Variants in LSAMP observed in about 807,000 individuals in gnomAD.
The protein encoded by LSAMP is limbic system-associated membrane protein.
A neutral mutation model predicts 38.6 loss-of-function variants in LSAMP; 7 were observed. That is an observed-to-expected ratio of 0.18 (90% confidence interval 0.10 to 0.34). The LOEUF (loss-of-function observed/expected upper bound fraction) is 0.34, where lower values mean the gene tolerates loss of function less well. Among genes scored for constraint, LSAMP ranks in the 10% least tolerant of loss-of-function variants. The pLI, the probability that LSAMP is intolerant of heterozygous loss-of-function variation, is 1.00. For synonymous variants in LSAMP, 154 were observed against 166.8 expected (o/e 0.92, Z 0.59); for missense variants, 313 against 420.0 (o/e 0.75, Z 2.23).
intron 3 of LSAMP, among the ~76,000 whole-genome samples, chr3:115,898,930 C>T (rs1936800063): frequency 6.6e-6 from 1 of 152,058 alleles, no homozygotes; most frequent in African/African-American, 2.4e-5. Context: ...GTTGCAGTGG[C>T]CAAGGGGCTG....
At chr3:116,097,397 G>A (rs1318609075) in intron 1 of LSAMP, among the ~76,000 whole-genome samples, 2 of 152,070 alleles carry the variant, frequency 1.3e-5, no homozygotes, top group African/African-American at 4.8e-5. Context: ...TGAAAACCCA[G>A]CCCCTTACTT....
chr3:116,366,588 T>A (rs1418242408), intron 1 of LSAMP, among the ~76,000 whole-genome samples: 1 of 152,152 alleles, frequency 6.6e-6, no homozygotes, highest in East Asian at 1.9e-4. Flanking sequence ...GGAAAGCATC[T>A]AAGGATTAAA....
chr3:116,186,646 A>G (rs1284015447), intron 1 of LSAMP, among the ~76,000 whole-genome samples: 1 of 152,152 alleles, frequency 6.6e-6, no homozygotes, highest in Non-Finnish European at 1.5e-5. Context: ...AGGACTCACA[A>G]TTAATCCAAT....
At chr3:116,258,583 A>G (rs1226040050) in intron 1 of LSAMP, among the ~76,000 whole-genome samples, 7 of 152,122 alleles carry the variant, frequency 4.6e-5, no homozygotes, top group Non-Finnish European at 1.0e-4. Flanking sequence ...ATTGTGTACT[A>G]TAATCAGGTG....
At chr3:116,285,755 G>T (rs1184934364) in intron 1 of LSAMP, among the ~76,000 whole-genome samples, 1 of 152,018 alleles carries the variant, frequency 6.6e-6, no homozygotes, top group Non-Finnish European at 1.5e-5. Flanking sequence ...AATGTCAATG[G>T]AAAATAAAAA....
At chr3:115,833,542 G>A (rs1934688411) in intron 6 of LSAMP, among the ~76,000 whole-genome samples, 1 of 152,034 alleles carries the variant, frequency 6.6e-6, no homozygotes, top group Admixed American at 6.6e-5. Flanking sequence ...GCATATACAT[G>A]CAAAACATTG....
intron 3 of LSAMP, among the ~76,000 whole-genome samples, chr3:115,903,614 C>A (rs1461906124): frequency 6.6e-6 from 1 of 152,136 alleles, no homozygotes; most frequent in Non-Finnish European, 1.5e-5. Context: ...CAGAGATGTT[C>A]ATTTGGATAC....
At chr3:116,050,284 C>T (rs1010053234) in intron 2 of LSAMP, among the ~76,000 whole-genome samples, 1 of 152,098 alleles carries the variant, frequency 6.6e-6, no homozygotes, top group African/African-American at 2.4e-5. Flanking sequence ...TCCCATTACC[C>T]TCTTCAGACC....
chr3:115,904,030 A>T (rs1397176439), intron 3 of LSAMP, among the ~76,000 whole-genome samples: 1 of 152,148 alleles, frequency 6.6e-6, no homozygotes, highest in Admixed American at 6.6e-5. Flanking sequence ...CACTATCTGA[A>T]ACATAAAACT....
At chr3:116,296,615 A>T (rs901893758) in intron 1 of LSAMP, among the ~76,000 whole-genome samples, 1 of 141,884 alleles carries the variant, frequency 7.0e-6, no homozygotes, top group Non-Finnish European at 1.5e-5. Context: ...GAATGGCGTT[A>T]ACCCGGGAGG....
At chr3:115,952,526 G>A (rs371213783) in intron 3 of LSAMP, among the ~76,000 whole-genome samples, 1 of 152,128 alleles carries the variant, frequency 6.6e-6, no homozygotes, top group Admixed American at 6.5e-5. Flanking sequence ...ATGAGGACAC[G>A]AAAGCATAAG....
chr3:115,856,525 A>G (rs1312505051), intron 3 of LSAMP, among the ~76,000 whole-genome samples: 3 of 152,128 alleles, frequency 2.0e-5, no homozygotes. Flanking sequence ...AGGCTGAGGC[A>G]GCAGAATTGC....
intron 1 of LSAMP, among the ~76,000 whole-genome samples, chr3:116,169,955 G>A (rs1710156398): frequency 6.6e-6 from 1 of 152,104 alleles, no homozygotes; most frequent in Non-Finnish European, 1.5e-5. Context: ...CCAGTGATGG[G>A]CACTAACAAT....
At chr3:116,280,287 C>T (rs2047111606) in intron 1 of LSAMP, among the ~76,000 whole-genome samples, 1 of 152,154 alleles carries the variant, frequency 6.6e-6, no homozygotes, top group Non-Finnish European at 1.5e-5. Context: ...GAGATGAAGA[C>T]ATGGAGGTTC....
chr3:116,432,641 T>C (rs1482349295), intron 1 of LSAMP, among the ~76,000 whole-genome samples: 1 of 152,152 alleles, frequency 6.6e-6, no homozygotes, highest in Non-Finnish European at 1.5e-5. Context: ...TGAATGTAGC[T>C]ATATTCAAAA....
At chr3:116,000,341 TG>T (rs141787641) in intron 3 of LSAMP, among the ~76,000 whole-genome samples, 2,731 of 152,228 alleles carry the variant, frequency 0.018, 51 homozygotes, top group African/African-American at 0.05. Context: ...ATGAGAAAAC[TG>T]AGACTTGAGA....
intron 1 of LSAMP, among the ~76,000 whole-genome samples, chr3:116,315,896 A>C (rs1016638278): frequency 6.6e-6 from 1 of 152,208 alleles, no homozygotes; most frequent in Non-Finnish European, 1.5e-5. Flanking sequence ...TGAATAGTTA[A>C]ATTTTGGAAT....
chr3:116,215,168 A>T (rs1396167038), intron 1 of LSAMP, among the ~76,000 whole-genome samples: 1 of 152,234 alleles, frequency 6.6e-6, no homozygotes, highest in Admixed American at 6.5e-5. Context: ...GGAAAACGAA[A>T]TAAATAAACA....
At chr3:115,936,299 G>A (rs1226690704) in intron 3 of LSAMP, among the ~76,000 whole-genome samples, 3 of 152,172 alleles carry the variant, frequency 2.0e-5, no homozygotes, top group East Asian at 1.9e-4. Flanking sequence ...TCTGTAGGTC[G>A]TATTTAAATT....
Sources: allele counts gnomAD v4.1 joint callset (sites outside exome capture counted in the v4.1 genomes callset), GRCh38; gene constraint gnomAD v4.1.1; transcripts MANE v1.5; gene names NCBI Gene and HGNC (gene_info 2026-07-23, HGNC 2026-07-21).